Variants in PRDM9 observed in about 807,000 individuals in gnomAD.
PRDM9 encodes the protein histone-lysine N-methyltransferase PRDM9.
In PRDM9, 47 loss-of-function variants were observed where a neutral mutation model predicts 55.6. The ratio of observed to expected loss-of-function variants is 0.85; its 90% CI spans 0.67 to 1.08. The LOEUF is 1.08. Among genes scored for constraint, PRDM9 ranks in the 50% least tolerant of loss-of-function variants. The pLI is 0.00. For synonymous variants in PRDM9, 312 were observed against 375.7 expected (o/e 0.83, Z 1.96); for missense variants, 867 against 1,040.3 (o/e 0.83, Z 2.29).
Position 23,522,828 on chromosome 5 carries a change from T to C in PRDM9, c.825T>C (p.Pro275=), listed in dbSNP as rs537958733. ...TGCCGCTGGGTCTGCACTTTGGCCC[T>C]TATGAGGGCCGAATTACAGAAGACG... ...SDLPLGLHFG[P]YEGRITEDEE... The change falls in exon 8 of 11, where the codon CCT becomes CCC. Residue 275 remains proline, a synonymous_variant. Coordinates refer to ENST00000296682, the MANE Select transcript of PRDM9 (RefSeq NM_020227.4). 1 of 1,614,214 alleles carries C rather than the reference T, an allele frequency of 6.2e-7. No individual in the cohort carries two copies. The highest frequency in any genetic ancestry group is 8.5e-7 in the Non-Finnish European group (1 of 1,180,042).
chr5:23,509,012 C>T lies in PRDM9; in HGVS notation c.-22C>T, dbSNP rs191376711. On this transcript the variant is annotated 5_prime_UTR_variant, in exon 2 of 11. Coordinates refer to ENST00000296682, the MANE Select transcript of PRDM9 (RefSeq NM_020227.4). ...TCTCACACTCAGAATTGGAGCAGGG[C>T]CTTCTAGACAGTCCCAGCACCATGA... 88 of 1,613,312 alleles carry T rather than the reference C, an allele frequency of 5.5e-5. 1 individual carries two copies. Among genetic ancestry groups the T allele is most frequent in the African/African-American group, 4.5e-4 (34 of 75,010 alleles).
intron 8 of PRDM9, 68 bp downstream of exon 8, chr5:23,522,953 A>G: frequency 6.2e-7 from 1 of 1,610,626 alleles, no homozygotes; most frequent in African/African-American, 1.3e-5. Context: ...GGTGGGGCAT[A>G]ATCTTCTACA....
rs1045096377 is a variant in PRDM9, at chr5:23,527,946, G to T, written c.*173G>T. 238 of 855,080 alleles carry T rather than the reference G, an allele frequency of 2.8e-4. No individual in the cohort carries two copies. The highest frequency in any genetic ancestry group is 3.6e-4 in the Non-Finnish European group (195 of 541,274). 53.0% of individuals were successfully genotyped at this position (855,080 alleles called of 1,614,324 possible). A position where few individuals can be genotyped will look rare whatever the true frequency, so the allele number is the denominator to read the frequency against. On this transcript the variant is annotated 3_prime_UTR_variant, in exon 11 of 11. Coordinates refer to ENST00000296682, the MANE Select transcript of PRDM9 (RefSeq NM_020227.4). ...GATTAAACAAATCCGCCACTTTCAT[G>T]ACTAGAGATGAGGAAGAACAAGGGA...
chr5:23,522,436 T>C, intron 7 of PRDM9, 31 bp downstream of exon 7: 1 of 1,595,390 alleles, frequency 6.3e-7, no homozygotes, highest in Non-Finnish European at 8.6e-7. Context: ...CTCACACAGC[T>C]TGCTGTTATG....
intron 10 of PRDM9, 152 bp from the exon 11 acceptor site, chr5:23,526,081 A>C: frequency 1.2e-6 from 1 of 865,462 alleles, no homozygotes. Flanking sequence ...GAATGGAAAA[A>C]TGGACTGTAA....
chr5:23,520,888 C>A, intron 5 of PRDM9, 135 bp from the exon 6 acceptor site: 2 of 1,043,140 alleles, frequency 1.9e-6, no homozygotes. Flanking sequence ...TCTCTTTTCC[C>A]TCTAGTATTT....
chr5:23,520,339 T>TAGGCAAC (rs1461306607), intron 5 of PRDM9, among the ~76,000 whole-genome samples: 3 of 122,240 alleles, frequency 2.5e-5, no homozygotes, highest in African/African-American at 9.9e-5. Context: ...CACTTCAGCC[T>TAGGCAAC]AGGCAACAGA....
chr5:23,518,423 C>T (rs1579592139), intron 5 of PRDM9, among the ~76,000 whole-genome samples: 2 of 152,264 alleles, frequency 1.3e-5, no homozygotes, highest in South Asian at 2.1e-4. Context: ...TTACATCATT[C>T]GTCCAACTGA....
chr5:23,527,752 C>G lies in PRDM9; in HGVS notation c.2664C>G (p.Tyr888Ter), dbSNP rs748406023. ...HQRTHTGEKP[Y>*]VCREDE ...GGACACACACAGGGGAGAAGCCCTA[C>G]GTCTGCAGGGAGGATGAGTAAGTCA... Residue 888 changes from tyrosine to a stop codon, truncating the protein, a stop_gained, in exon 11 of 11, where the codon TAC (tyrosine) becomes TAG (stop). Coordinates refer to ENST00000296682, the MANE Select transcript of PRDM9 (RefSeq NM_020227.4). LOFTEE classifies it low-confidence loss of function (END_TRUNC). The G allele has an allele frequency of 4.4e-6, 7 of 1,608,920 alleles. No individual in the cohort carries two copies. The African/African-American group carries it at 9.5e-5, about 22-fold the overall frequency.
chr5:23,509,680 C>G, intron 3 of PRDM9, 87 bp downstream of exon 3: 1 of 1,599,674 alleles, frequency 6.3e-7, no homozygotes, highest in South Asian at 1.1e-5. Flanking sequence ...CAGGTGGTGG[C>G]ATCTGCCCAC....
intron 4 of PRDM9, among the ~76,000 whole-genome samples, chr5:23,515,934 T>C (rs1739201458): frequency 6.6e-6 from 1 of 152,242 alleles, no homozygotes; most frequent in Non-Finnish European, 1.5e-5. Flanking sequence ...TGCTTTGAAA[T>C]CAGGAACTAT....
chr5:23,508,925 CT>C (rs1739033880), intron 1 of PRDM9, 24 bp from the exon 2 acceptor site: 1 of 1,350,006 alleles, frequency 7.4e-7, no homozygotes, highest in Non-Finnish European at 1.0e-6. Context: ...CTGTTGCCCC[CT>C]CTCAGCACCT....
Position 23,522,609 on chromosome 5 carries a change from T to C in PRDM9, c.611-5T>C, listed in dbSNP as rs1739352887. On this transcript the variant is annotated splice_region_variant and splice_polypyrimidine_tract_variant and intron_variant, in intron 7 of 10. Coordinates refer to ENST00000296682, the MANE Select transcript of PRDM9 (RefSeq NM_020227.4). ...TTTCCTAATCTCTGCTTCCCTCACT[T>C]CCAGATTGTGAGATGTGTCAGAACT... 17 of 1,614,230 alleles carry C rather than the reference T, an allele frequency of 1.1e-5. No individual in the cohort carries two copies. Among genetic ancestry groups the C allele is most frequent in the Non-Finnish European group, 1.3e-5 (15 of 1,180,042 alleles).
chr5:23,516,176 A>C (rs947354410), intron 4 of PRDM9, among the ~76,000 whole-genome samples: 1 of 152,018 alleles, frequency 6.6e-6, no homozygotes, highest in African/African-American at 2.4e-5. Context: ...TGTCTCCTTA[A>C]ATTTCTGTCG....
In PRDM9 at chr5:23,522,772, G is replaced by T. The variant is rs770993453; in HGVS notation, c.769G>T (p.Gly257Trp). The change falls in exon 8 of 11, where the codon GGG (glycine) becomes TGG (tryptophan). Residue 257 changes from glycine (G) to tryptophan (W), a missense_variant. Physicochemically the swap from Gly to Trp is radical, Grantham distance 184 (BLOSUM62 -2). This residue lies in a region of PRDM9 where 662 missense variants were observed against 711.9 expected (regional missense o/e 0.93). Transcript: ENST00000296682. ...TGGGCCATCAGGCATCCCTCAGGCTGGGCTTGGAGTATGGAATGAGGCATC... is the reference window on the plus strand; with the variant it reads ...TGGGCCATCAGGCATCCCTCAGGCTTGGCTTGGAGTATGGAATGAGGCATC... ...RIGPSGIPQAGLGVWNEASDL... is the reference protein window; with the variant it reads ...RIGPSGIPQAWLGVWNEASDL... 52 of 1,614,100 alleles carry T rather than the reference G, an allele frequency of 3.2e-5. No homozygotes were observed. The highest frequency in any genetic ancestry group is 4.2e-5 in the Non-Finnish European group (50 of 1,180,056).
intron 10 of PRDM9, 98 bp from the exon 11 acceptor site, chr5:23,526,135 A>C: frequency 7.2e-7 from 1 of 1,395,584 alleles, no homozygotes; most frequent in Non-Finnish European, 1.0e-6. Flanking sequence ...CATTGTTAAC[A>C]TATGAAGAAT....
At chr5:23,519,211 C>T (rs1409624674) in intron 5 of PRDM9, among the ~76,000 whole-genome samples, 4 of 152,036 alleles carry the variant, frequency 2.6e-5, no homozygotes, top group African/African-American at 9.7e-5. Context: ...AGGCATGCAC[C>T]ACCATGCCCA....
Position 23,509,710 on chromosome 5 carries a change from A to G in PRDM9, c.193+117A>G. 1.9e-6 allele frequency: 3 copies of G among 1,569,570 alleles called. No homozygotes were observed. In the South Asian group the frequency reaches 3.4e-5, roughly 18 times the overall value. The stretch of plus-strand genomic sequence containing the variant: ...GCCCACAATTCCCTTTTTCATGTAG[A>G]CAAATCTGGAGGGAAATTTTGTTCT... On this transcript the variant is annotated intron_variant, in intron 3 of 10. Transcript: ENST00000296682.
At chr5:23,511,816 T>C (rs1363349912) in intron 4 of PRDM9, among the ~76,000 whole-genome samples, 1 of 152,182 alleles carries the variant, frequency 6.6e-6, no homozygotes, top group African/African-American at 2.4e-5. Context: ...TGGTTAGTTT[T>C]TTTGTATGTT....
Sources: gnomAD v4.1 joint callset for allele counts (sites outside exome capture counted in the v4.1 genomes callset) on GRCh38, gnomAD v4.1.1 for gene constraint, gnomAD v4.1.1 regional missense constraint, MANE v1.5 for transcripts, NCBI Gene and HGNC (gene_info 2026-07-23, HGNC 2026-07-21) for gene names.